The following TMEM9B variants were observed in gnomAD, a reference collection of about 807,000 sequenced individuals.
TMEM9B encodes the protein TMEM9 domain family member B, also known as transmembrane protein 9B.
A neutral mutation model predicts 23.5 loss-of-function variants in TMEM9B; 8 were observed. The ratio of observed to expected loss-of-function variants is 0.34; its 90% CI spans 0.20 to 0.61. TMEM9B has a LOEUF of 0.61. Ranked by LOEUF, TMEM9B falls within the 20% of genes least tolerant of loss-of-function variation. The pLI, the probability that TMEM9B is intolerant of heterozygous loss-of-function variation, is 0.78. For missense variants in TMEM9B, 197 were observed against 252.3 expected (o/e 0.78, Z 1.49); for synonymous variants, 106 against 96.3 (o/e 1.10, Z -0.59).
At chr11:8,955,064 T>C (rs994820257) in intron 3 of TMEM9B, among the ~76,000 whole-genome samples, 1 of 150,796 alleles carries the variant, frequency 6.6e-6, no homozygotes, top group Non-Finnish European at 1.5e-5. Flanking sequence ...GGCAGGAGAA[T>C]CGCTTGGACC....
At chr11:8,963,884 A>C in intron 1 of TMEM9B, 1 of 326,860 alleles carries the variant, frequency 3.1e-6, no homozygotes, top group Non-Finnish European at 5.6e-6. Context: ...TCGGAGGTGA[A>C]AAGGTTGTCA....
chr11:8,954,013 C>A (rs1440196535), intron 3 of TMEM9B, among the ~76,000 whole-genome samples: 1 of 152,156 alleles, frequency 6.6e-6, no homozygotes, highest in Admixed American at 6.5e-5. Context: ...AGACATAATC[C>A]AAACGTCCAT....
At chr11:8,963,206 G>C (rs1214413474) in intron 1 of TMEM9B, among the ~76,000 whole-genome samples, 1 of 152,236 alleles carries the variant, frequency 6.6e-6, no homozygotes, top group Non-Finnish European at 1.5e-5. Flanking sequence ...CAGGAGACGT[G>C]CTGCTGTCCC....
intron 4 of TMEM9B, among the ~76,000 whole-genome samples, chr11:8,951,541 G>A (rs1248706533): frequency 6.7e-6 from 1 of 149,340 alleles, no homozygotes; most frequent in Admixed American, 6.7e-5. Flanking sequence ...CATGAGGTCA[G>A]GAGATTGAGA....
chr11:8,964,619 G>T, upstream of TMEM9B: 2 of 487,802 alleles, frequency 4.1e-6, no homozygotes, highest in Non-Finnish European at 6.5e-6. Context: ...GTAGAGCTTT[G>T]CATCTCTTGG....
intron 4 of TMEM9B, among the ~76,000 whole-genome samples, chr11:8,952,207 AAGG>A (rs1386844154): frequency 1.3e-5 from 2 of 151,916 alleles, no homozygotes; most frequent in African/African-American, 2.4e-5. Context: ...TTAAAACAAA[AAGG>A]AGACCATGAA....
rs529052406 is a variant in TMEM9B at position 8,953,152 on chromosome 11, G to A, written c.441+51C>T. The A allele has an allele frequency of 1.2e-4, 194 of 1,611,920 alleles. No individual in the cohort carries two copies. The South Asian group carries it at 1.9e-3, about 16-fold the overall frequency. On this transcript the variant is annotated intron_variant, in intron 4 of 4. Transcript: ENST00000534025. ...CTATTTTTCACTTGCACTTCACATCGAATGATGACAGGGACTGGCCATGAG... is the reference window on the plus strand; with the variant it reads ...CTATTTTTCACTTGCACTTCACATCAAATGATGACAGGGACTGGCCATGAG...
intron 3 of TMEM9B, among the ~76,000 whole-genome samples, chr11:8,954,078 C>T (rs1314868983): frequency 6.6e-6 from 1 of 152,032 alleles, no homozygotes; most frequent in Admixed American, 6.6e-5. Context: ...TAAAAAGAAA[C>T]GAAGTACTGA....
intron 3 of TMEM9B, 92 bp downstream of exon 3, chr11:8,956,098 C>A (rs1853968177): frequency 6.0e-6 from 7 of 1,166,948 alleles, no homozygotes; most frequent in Non-Finnish European, 8.4e-6. Context: ...GGGTAGGGGT[C>A]CAAATTTTTC....
At chr11:8,964,527 G>A, upstream of TMEM9B, 1 of 1,372,166 alleles carries the variant, frequency 7.3e-7, no homozygotes, top group South Asian at 1.6e-5. Context: ...AGGGCCGGGA[G>A]GCTGGGCAGT....
chr11:8,958,574 CTTT>C (rs111765985), intron 2 of TMEM9B, among the ~76,000 whole-genome samples: 26 of 136,664 alleles, frequency 1.9e-4, no homozygotes, highest in Admixed American at 5.9e-4. Flanking sequence ...TTAGGTTATT[CTTT>C]TTTTTTTTTT....
intron 4 of TMEM9B, among the ~76,000 whole-genome samples, chr11:8,952,319 C>CGTGT (rs139281160): frequency 0.011 from 1,702 of 148,790 alleles, 38 homozygotes; most frequent in African/African-American, 0.037. Flanking sequence ...AATGTACACA[C>CGTGT]GTGTGTGTGT....
At chr11:8,958,078 G>A (rs1360792174) in intron 2 of TMEM9B, among the ~76,000 whole-genome samples, 1 of 144,904 alleles carries the variant, frequency 6.9e-6, no homozygotes, top group Non-Finnish European at 1.5e-5. Flanking sequence ...AGAATCGCTT[G>A]AACCTGGGAG....
chr11:8,964,404 T>G lies in TMEM9B; in HGVS notation c.-91A>C. On this transcript the variant is annotated 5_prime_UTR_variant, in exon 1 of 5. Coordinates refer to ENST00000534025, the MANE Select transcript of TMEM9B (RefSeq NM_020644.3). Reference sequence around the variant, plus strand: ...TCAGGCTCAGGCTCAGGCACAGGCTTGGGACCCGGCTGGGGATCCTCCGCC... The same window carrying G: ...TCAGGCTCAGGCTCAGGCACAGGCTGGGGACCCGGCTGGGGATCCTCCGCC... The G allele has an allele frequency of 7.2e-7, 1 of 1,392,476 alleles. No individual in the cohort carries two copies. 86.3% of individuals were successfully genotyped at this position (1,392,476 alleles called of 1,614,324 possible).
At chr11:8,962,256 C>T in intron 1 of TMEM9B, 73 bp from the exon 2 acceptor site, 6 of 976,804 alleles carry the variant, frequency 6.1e-6, no homozygotes, top group Non-Finnish European at 9.0e-6. Flanking sequence ...GTACCATATA[C>T]ATTTTGCCAA....
In TMEM9B at chr11:8,964,389, G is replaced by A; in HGVS notation, c.-76C>T. 2 of 1,519,562 alleles carry A rather than the reference G, an allele frequency of 1.3e-6. No homozygotes were observed. 94.1% of individuals were successfully genotyped at this position (1,519,562 alleles called of 1,614,324 possible). A position where few individuals can be genotyped will look rare whatever the true frequency, so the allele number is the denominator to read the frequency against. On this transcript the variant is annotated 5_prime_UTR_variant, in exon 1 of 5. Transcript: ENST00000534025. ...GGCTCGGGCTCAGGCTCAGGCTCAG[G>A]CTCAGGCACAGGCTTGGGACCCGGC...
At chr11:8,955,305 T>C (rs1853953859) in intron 3 of TMEM9B, among the ~76,000 whole-genome samples, 1 of 152,164 alleles carries the variant, frequency 6.6e-6, no homozygotes, top group South Asian at 2.1e-4. Context: ...ACCAGTTTCA[T>C]GGAAGACAAT....
rs1312382516 is a variant in TMEM9B, at chr11:8,964,319, G to T, written c.-6C>A. 1 of 1,561,114 alleles carries T rather than the reference G, an allele frequency of 6.4e-7. No homozygotes were observed. Among genetic ancestry groups the T allele is most frequent in the Non-Finnish European group, 8.7e-7 (1 of 1,153,854 alleles). On this transcript the variant is annotated 5_prime_UTR_variant, in exon 1 of 5. Coordinates refer to ENST00000534025, the MANE Select transcript of TMEM9B (RefSeq NM_020644.3). Reference sequence around the variant, plus strand: ...CCTCCCCACAGGGTCGCCATCGCTGGGGGCCCAGCGGTCCCACAGCCCGGA... The same window carrying T: ...CCTCCCCACAGGGTCGCCATCGCTGTGGGCCCAGCGGTCCCACAGCCCGGA...
intron 3 of TMEM9B, among the ~76,000 whole-genome samples, chr11:8,955,983 C>T (rs1472095604): frequency 1.3e-5 from 2 of 152,198 alleles, no homozygotes; most frequent in East Asian, 3.8e-4. Context: ...ATGCTAATTA[C>T]ACATAGGGCA....
Sources: gnomAD v4.1 joint callset for allele counts (sites outside exome capture counted in the v4.1 genomes callset) on GRCh38, gnomAD v4.1.1 for gene constraint, MANE v1.5 for transcripts, NCBI Gene and HGNC (gene_info 2026-07-23, HGNC 2026-07-21) for gene names.